KLHDC4: variants seen among roughly 807,000 people sequenced by gnomAD.
KLHDC4 encodes the protein kelch domain containing 4, also known as kelch domain-containing protein 4.
Under a neutral mutation model 62.4 loss-of-function variants are expected in KLHDC4, and 90 were observed. That is an observed-to-expected ratio of 1.44 (90% CI 1.22 to 1.72). The LOEUF (loss-of-function observed/expected upper bound fraction) is 1.72, where lower values mean the gene tolerates loss of function less well. Ranked by LOEUF, KLHDC4 falls within the 40% of genes most tolerant of loss-of-function variation. KLHDC4 has a pLI of 0.00. For synonymous variants in KLHDC4, 386 were observed against 284.4 expected, an observed-to-expected ratio of 1.36 and a Z score of -3.59; for missense variants, 1,025 against 699.7, an observed-to-expected ratio of 1.47 and a Z score of -5.25.
In KLHDC4 at chr16:87,730,600, G is replaced by C; in HGVS notation, c.551C>G (p.Ala184Gly). The C allele has an allele frequency of 6.2e-7, 1 of 1,613,112 alleles. No homozygotes were observed. Among genetic ancestry groups the C allele is most frequent in the South Asian group, 1.1e-5 (1 of 90,808 alleles). The change falls in exon 6 of 12, where the codon GCC becomes GGC. Residue 184 changes from alanine (A) to glycine (G), a missense_variant. Ala to Gly is a moderately conservative substitution (Grantham distance 60). Coordinates refer to ENST00000270583, the MANE Select transcript of KLHDC4 (RefSeq NM_017566.4). ...AAACAGGATCAATTGTCTCTTCCAG[G>C]CCACCATCCGATGTCCACTCCGACC... ...PSGRSGHRMV[A>G]WKRQLILFGG...
chr16:87,718,931 G>A (rs1037025876), intron 7 of KLHDC4, among the ~76,000 whole-genome samples: 9 of 151,794 alleles, frequency 5.9e-5, no homozygotes, highest in African/African-American at 1.7e-4. Flanking sequence ...TGTCTGGGAG[G>A]TGAGGAGCGT....
intron 2 of KLHDC4, among the ~76,000 whole-genome samples, chr16:87,761,491 T>G (rs998653372): frequency 3.9e-5 from 6 of 152,242 alleles, no homozygotes; most frequent in African/African-American, 1.4e-4. Flanking sequence ...TCGGAACGTT[T>G]TTACGTAATT....
intron 7 of KLHDC4, among the ~76,000 whole-genome samples, chr16:87,717,027 T>C (rs1437216318): frequency 6.6e-6 from 1 of 151,388 alleles, no homozygotes; most frequent in Non-Finnish European, 1.5e-5. Context: ...AGTTCAGGAG[T>C]TCAAGACCAG....
chr16:87,709,706 G>T, intron 9 of KLHDC4, 39 bp from the exon 10 acceptor site: 1 of 1,521,584 alleles, frequency 6.6e-7, no homozygotes, highest in Non-Finnish European at 8.8e-7. Flanking sequence ...AGCAGCTTCA[G>T]CGAGGCAGGG....
chr16:87,758,133 G>A (rs1360883891), intron 2 of KLHDC4, among the ~76,000 whole-genome samples: 1 of 152,204 alleles, frequency 6.6e-6, no homozygotes, highest in Admixed American at 6.5e-5. Context: ...GGATTTATTT[G>A]CATAGAAACA....
intron 5 of KLHDC4, among the ~76,000 whole-genome samples, chr16:87,745,604 G>A (rs1342939127): frequency 6.6e-6 from 1 of 152,232 alleles, no homozygotes; most frequent in Non-Finnish European, 1.5e-5. Context: ...AGATGCGCTT[G>A]GAGCTGGTAC....
At chr16:87,743,837 G>C (rs543207589) in intron 5 of KLHDC4, among the ~76,000 whole-genome samples, 11 of 152,252 alleles carry the variant, frequency 7.2e-5, no homozygotes, top group African/African-American at 1.9e-4. Context: ...CCATAGCCCA[G>C]GTTTAAATTC....
intron 9 of KLHDC4, chr16:87,711,013 T>A: frequency 1.8e-6 from 1 of 541,324 alleles, no homozygotes; most frequent in Non-Finnish European, 3.3e-6. Context: ...GCTTCTGAGG[T>A]AGCAGCCCCG....
At chr16:87,724,648 G>A (rs576474989) in intron 7 of KLHDC4, among the ~76,000 whole-genome samples, 1 of 152,292 alleles carries the variant, frequency 6.6e-6, no homozygotes, top group South Asian at 2.1e-4. Context: ...ACATCCACCA[G>A]AGCAGCTAAA....
chr16:87,701,263 G>A (rs2034131700), exon 1 of KLHDC4: 1 of 233,104 alleles, frequency 4.3e-6, no homozygotes, highest in Non-Finnish European at 8.7e-6. Flanking sequence ...CTGCAGACGG[G>A]AAGTCAACGC....
chr16:87,714,637 A>AAC (rs1310729132), intron 7 of KLHDC4, 64 bp from the exon 8 acceptor site: 5 of 1,564,058 alleles, frequency 3.2e-6, no homozygotes, highest in Non-Finnish European at 4.4e-6. Flanking sequence ...CAGACCCCCC[A>AAC]ACCCTGTGGG....
In KLHDC4 at chr16:87,709,275, CTCCACCAAGGCCT is replaced by C. The variant is rs2035293464; in HGVS notation, c.1424_1436del (p.Lys475ArgfsTer97). 1.2e-6 allele frequency: 2 copies of C among 1,608,122 alleles called. No homozygotes were observed. The highest frequency in any genetic ancestry group is 1.7e-6 in the Non-Finnish European group (2 of 1,176,916). ...AGCTGCCTGGCTCACCTGGGTCCATCTCCACCAAGGCCTTCCACGCCTCCATCCTGTGCAGGTC... is the reference window on the plus strand; with the variant it reads ...AGCTGCCTGGCTCACCTGGGTCCATCTCCACGCCTCCATCCTGTGCAGGTC... On this transcript the variant is annotated frameshift_variant, in exon 10 of 12. Transcript: ENST00000270583. LOFTEE classifies it high-confidence loss of function.
intron 1 of KLHDC4, 118 bp downstream of exon 1, chr16:87,765,674 T>A (rs1211372969): frequency 1.0e-6 from 1 of 975,216 alleles, no homozygotes; most frequent in Non-Finnish European, 1.5e-6. Flanking sequence ...GGCCTCCAGC[T>A]CTCCCGCAGG....
intron 5 of KLHDC4, among the ~76,000 whole-genome samples, chr16:87,734,892 C>T (rs572384864): frequency 1.7e-4 from 26 of 152,144 alleles, no homozygotes; most frequent in African/African-American, 5.8e-4. Context: ...CCCACACATG[C>T]GGAGCAAGAA....
intron 5 of KLHDC4, among the ~76,000 whole-genome samples, chr16:87,736,861 A>C (rs905457622): frequency 2.0e-5 from 3 of 152,112 alleles, no homozygotes; most frequent in African/African-American, 7.2e-5. Context: ...GCGGTGGCTC[A>C]CGCCTGTAAT....
intron 5 of KLHDC4, among the ~76,000 whole-genome samples, chr16:87,737,564 C>T (rs1159525812): frequency 2.6e-5 from 4 of 151,194 alleles, no homozygotes; most frequent in African/African-American, 9.8e-5. Context: ...CTCCAGCTCA[C>T]CTTCCCGGTT....
chr16:87,765,454 T>C, intron 1 of KLHDC4: 2 of 498,452 alleles, frequency 4.0e-6, no homozygotes, highest in Non-Finnish European at 7.8e-6. Flanking sequence ...AACCCCTCCC[T>C]CTTCTCACCA....
chr16:87,765,641 C>T, intron 1 of KLHDC4, 151 bp downstream of exon 1: 1 of 675,130 alleles, frequency 1.5e-6, no homozygotes, highest in Non-Finnish European at 2.4e-6. Flanking sequence ...GCTGCCCGGA[C>T]GCGGCGCCGG....
At chr16:87,712,053 G>T (rs560980360) in intron 8 of KLHDC4, among the ~76,000 whole-genome samples, 1 of 144,320 alleles carries the variant, frequency 6.9e-6, no homozygotes, top group Non-Finnish European at 1.5e-5. Context: ...CCCTTCGCCC[G>T]GGGGCTGCAG....
Sources: gnomAD v4.1 joint callset for allele counts (sites outside exome capture counted in the v4.1 genomes callset) on GRCh38, gnomAD v4.1.1 for gene constraint, MANE v1.5 for transcripts, NCBI Gene and HGNC (gene_info 2026-07-23, HGNC 2026-07-21) for gene names.